HMG20B: variants seen among roughly 807,000 people sequenced by gnomAD.
HMG20B encodes high mobility group 20B.
Under a neutral mutation model 41.6 loss-of-function variants are expected in HMG20B, and 24 were observed. That is an observed-to-expected ratio of 0.58 (90% CI 0.42 to 0.81). The LOEUF is 0.81. HMG20B is among the 30% of genes least tolerant of loss of function. The probability of loss-of-function intolerance (pLI) is 0.00; values close to 1 mark genes in which losing one functional copy is unlikely to be tolerated. For missense variants in HMG20B, 461 were observed against 444.0 expected (o/e 1.04, Z -0.34); for synonymous variants, 251 against 186.6 (o/e 1.34, Z -2.81).
At position 3,574,605 on chromosome 19, in the gene HMG20B, C is replaced by A; in HGVS notation, c.351+19C>A. The A allele has an allele frequency of 3.2e-6, 5 of 1,572,186 alleles. No individual in the cohort carries two copies. Among genetic ancestry groups the A allele is most frequent in the Non-Finnish European group, 3.4e-6 (4 of 1,162,418 alleles). The stretch of plus-strand genomic sequence containing the variant: ...AAAGCAGGTGGGCGGGGCGGGGCGC[C>A]GAGCAGGGCTGGCGGGGTCCACGGA... On this transcript the variant is annotated intron_variant, in intron 4 of 9. Transcript: ENST00000333651.
intron 9 of HMG20B, 22 bp from the exon 10 acceptor site, chr19:3,578,487 G>A (rs764411227): frequency 6.6e-7 from 1 of 1,525,626 alleles, no homozygotes; most frequent in South Asian, 1.3e-5. Flanking sequence ...GCCTCATCCC[G>A]GGCCCTCCTC....
intron 8 of HMG20B, 144 bp downstream of exon 8, chr19:3,577,251 A>G (rs1373090357): frequency 4.9e-6 from 3 of 609,272 alleles, no homozygotes; most frequent in Non-Finnish European, 8.2e-6. Context: ...GGCCCCGCCT[A>G]TCGCCCCGCC....
intron 9 of HMG20B, 81 bp downstream of exon 9, chr19:3,578,194 G>C (rs894829776): frequency 1.9e-6 from 3 of 1,547,014 alleles, no homozygotes; most frequent in Middle Eastern, 1.7e-4. Context: ...GTCCGCGAGG[G>C]CTGCTGGGTG....
At position 3,573,336 on chromosome 19, in the gene HMG20B, C is replaced by T. The variant is rs2032082154; in HGVS notation, c.27C>T (p.Gly9=). 2.6e-6 allele frequency: 4 copies of T among 1,535,086 alleles called. No homozygotes were observed. Among genetic ancestry groups the T allele is most frequent in the Non-Finnish European group, 3.5e-6 (4 of 1,143,550 alleles). MSHGPKQP[G]AAAAPAGGKA... ...TGTCCCACGGCCCCAAGCAGCCCGG[C>T]GCGGCCGCCGCGTGAGTGCACTGAT... The change falls in exon 2 of 10, where the codon GGC becomes GGT. Residue 9 remains glycine, a synonymous_variant. Coordinates refer to ENST00000333651, the MANE Select transcript of HMG20B (RefSeq NM_006339.3).
intron 3 of HMG20B, 178 bp downstream of exon 3, chr19:3,573,978 G>T: frequency 1.4e-6 from 1 of 714,470 alleles, no homozygotes; most frequent in Non-Finnish European, 2.5e-6. Context: ...GCCACTCTAA[G>T]TCCAGGCCCC....
At chr19:3,576,343 A>C in intron 6 of HMG20B, 36 bp downstream of exon 6, 1 of 1,605,432 alleles carries the variant, frequency 6.2e-7, no homozygotes, top group South Asian at 1.1e-5. Context: ...CACCTGGGGG[A>C]GAAAGGTCTG....
chr19:3,578,304 C>A, intron 9 of HMG20B, 191 bp downstream of exon 9: 1 of 1,125,282 alleles, frequency 8.9e-7, no homozygotes, highest in Non-Finnish European at 1.2e-6. Context: ...CCCGGGCCGG[C>A]GGGACCCACT....
chr19:3,574,618 C>CG (rs763010645), intron 4 of HMG20B, 32 bp downstream of exon 4: 37 of 1,540,654 alleles, frequency 2.4e-5, no homozygotes, highest in African/African-American at 4.1e-5. Flanking sequence ...GCAGGGCTGG[C>CG]GGGGTCCACG....
At chr19:3,577,159 G>T (rs927479193) in intron 8 of HMG20B, 52 bp downstream of exon 8, 2 of 1,114,314 alleles carry the variant, frequency 1.8e-6, no homozygotes, top group East Asian at 3.1e-5. Flanking sequence ...GGCCCCGCCC[G>T]CCTCCCCCCC....
At chr19:3,574,607 A>G (rs2032118458) in intron 4 of HMG20B, 21 bp downstream of exon 4, 1 of 1,569,622 alleles carries the variant, frequency 6.4e-7, no homozygotes, top group Non-Finnish European at 8.6e-7. Flanking sequence ...CGGGGCGCCG[A>G]GCAGGGCTGG....
Position 3,576,894 on chromosome 19 carries a change from C to T in HMG20B, c.595C>T (p.Arg199Cys). 6.4e-7 allele frequency: 1 copy of T among 1,568,182 alleles called. No individual in the cohort carries two copies. The highest frequency in any genetic ancestry group is 8.6e-7 in the Non-Finnish European group (1 of 1,158,262). Residue 199 changes from arginine to cysteine, a missense_variant and splice_region_variant, in exon 8 of 10, where the codon CGT (arginine) becomes TGT (cysteine). This residue lies in a region of HMG20B where 308 missense variants were observed against 283.4 expected (regional missense o/e 1.09). Coordinates refer to ENST00000333651, the MANE Select transcript of HMG20B (RefSeq NM_006339.3). Reference sequence around the variant, plus strand: ...TGACCCCGCTCCCCCCGGCGCAGCGCGTGAGGCGGAGCTTCGGCGCTTGCG... The same window carrying T: ...TGACCCCGCTCCCCCCGGCGCAGCGTGTGAGGCGGAGCTTCGGCGCTTGCG... ...TEEFLDQNKAREAELRRLRKM... is the reference protein window; with the variant it reads ...TEEFLDQNKACEAELRRLRKM...
chr19:3,573,952 C>G, intron 3 of HMG20B, 152 bp downstream of exon 3: 1 of 760,342 alleles, frequency 1.3e-6, no homozygotes, highest in South Asian at 1.5e-5. Flanking sequence ...GCTGCCACGC[C>G]CCTGACAGGT....
In HMG20B at chr19:3,576,897, G is replaced by C; in HGVS notation, c.598G>C (p.Glu200Gln). Residue 200 changes from glutamate to glutamine, a missense_variant, in exon 8 of 10, where the codon GAG becomes CAG. This residue lies in a region of HMG20B where 308 missense variants were observed against 283.4 expected (regional missense o/e 1.09). Transcript: ENST00000333651. ...CCCCGCTCCCCCCGGCGCAGCGCGT[G>C]AGGCGGAGCTTCGGCGCTTGCGGAA... ...EEFLDQNKAR[E>Q]AELRRLRKMN... 6.4e-7 allele frequency: 1 copy of C among 1,570,006 alleles called. No individual in the cohort carries two copies. The highest frequency in any genetic ancestry group is 1.9e-5 in the Admixed American group (1 of 53,316).
Position 3,573,513 on chromosome 19 carries a change from C to T in HMG20B, c.38+166C>T, listed in dbSNP as rs888851471. On this transcript the variant is annotated intron_variant, in intron 2 of 9. Coordinates refer to ENST00000333651, the MANE Select transcript of HMG20B (RefSeq NM_006339.3). ...GCACCCCCCACCTCGGCCTCCAGTC[C>T]CTCCCAGGAGCCCCGCTTGTCCCAC... is the stretch of plus-strand genomic sequence containing the variant. The T allele has an allele frequency of 8.5e-5, 77 of 908,538 alleles. No homozygotes were observed. In the African/African-American group the frequency reaches 1.3e-3, roughly 15 times the overall value. The allele number at this position is 908,538 out of a possible 1,614,324, so 56.3% of individuals were successfully genotyped here.
rs778289451 is a variant in HMG20B at position 3,578,138 on chromosome 19, G to A, written c.941+25G>A. The stretch of plus-strand genomic sequence containing the variant: ...GGTGTGTGCCGGGCGAGGCGGGGCG[G>A]GGCCGGGGTTCAAGGCCCGGATGTG... On this transcript the variant is annotated intron_variant, in intron 9 of 9. Transcript: ENST00000333651. The A allele has an allele frequency of 3.1e-5, 49 of 1,604,558 alleles. No individual in the cohort carries two copies. The Middle Eastern group carries it at 8.2e-4, about 27-fold the overall frequency.
intron 5 of HMG20B, 194 bp from the exon 6 acceptor site, chr19:3,576,067 C>T: frequency 1.6e-6 from 1 of 616,764 alleles, no homozygotes; most frequent in South Asian, 1.9e-5. Context: ...GGCACAGTCC[C>T]GTGGGTTGGG....
rs374196861 is a variant in HMG20B at position 3,574,484 on chromosome 19, G to A, written c.249G>A (p.Glu83=). ...CGGGCTACGTGCGCTTCCTGAACGA[G>A]CGGCGCGAGCAGATCCGCACGCGCC... is the stretch of plus-strand genomic sequence containing the variant. The part of the protein sequence containing the change: ...PVTGYVRFLN[E]RREQIRTRHP... The change falls in exon 4 of 10, where the codon GAG becomes GAA. Residue 83 remains glutamate (E), a synonymous_variant. Transcript: ENST00000333651. 8 of 1,608,254 alleles carry A rather than the reference G, an allele frequency of 5.0e-6. No individual in the cohort carries two copies. Among genetic ancestry groups the A allele is most frequent in the Middle Eastern group, 1.7e-4 (1 of 6,054 alleles).
rs771675179 is a variant in HMG20B, at chr19:3,578,733, C to G, written c.*212C>G. The G allele has an allele frequency of 3.9e-6, 3 of 776,416 alleles. No individual in the cohort carries two copies. The South Asian group carries it at 4.3e-5, about 11-fold the overall frequency. The allele number at this position is 776,416 out of a possible 1,614,324, so 48.1% of individuals were successfully genotyped here. On this transcript the variant is annotated 3_prime_UTR_variant, in exon 10 of 10. Coordinates refer to ENST00000333651, the MANE Select transcript of HMG20B (RefSeq NM_006339.3). ...GAACCCGGAAAAAGCACTCGCTGCG[C>G]GATACACCCAGAAGAACCTCACAGC...
chr19:3,578,361 GCC>G, intron 9 of HMG20B, 146 bp from the exon 10 acceptor site: 1 of 1,260,220 alleles, frequency 7.9e-7, no homozygotes, highest in Non-Finnish European at 1.1e-6. Flanking sequence ...GGATCCCAGC[GCC>G]CGGGTTAGAT....
Sources: allele counts gnomAD v4.1 joint callset, GRCh38; gene constraint gnomAD v4.1.1; regional missense constraint gnomAD v4.1.1; transcripts MANE v1.5; gene names NCBI Gene and HGNC (gene_info 2026-07-23, HGNC 2026-07-21).